The following CCDC91 variants were observed in gnomAD, a reference collection of about 807,000 sequenced individuals.
The protein encoded by CCDC91 is coiled-coil domain containing 91.
A neutral mutation model predicts 63.2 loss-of-function variants in CCDC91; 48 were observed. That is an observed-to-expected ratio of 0.76 (90% CI 0.60 to 0.97). The LOEUF is 0.97. CCDC91 is among the 50% of genes least tolerant of loss of function. The pLI, the probability that CCDC91 is intolerant of heterozygous loss-of-function variation, is 0.00. For synonymous variants in CCDC91, 167 were observed against 165.8 expected (o/e 1.01, Z -0.06); for missense variants, 500 against 494.6 (o/e 1.01, Z -0.10).
intron 11 of CCDC91, among the ~76,000 whole-genome samples, chr12:28,478,380 A>G (rs1478354930): frequency 6.6e-6 from 1 of 152,186 alleles, no homozygotes; most frequent in Admixed American, 6.6e-5. Context: ...CCAGTTTAAC[A>G]AGTGGTGCTG....
At chr12:28,381,247 C>T (rs1210201797) in intron 7 of CCDC91, among the ~76,000 whole-genome samples, 1 of 151,858 alleles carries the variant, frequency 6.6e-6, no homozygotes, top group African/African-American at 2.4e-5. Flanking sequence ...GATTGCAACC[C>T]AATATTAAAA....
chr12:28,524,004 A>G (rs1295659562), intron 12 of CCDC91, among the ~76,000 whole-genome samples: 1 of 152,166 alleles, frequency 6.6e-6, no homozygotes, highest in Non-Finnish European at 1.5e-5. Context: ...TGATTGTCAG[A>G]TTCACCAAAG....
intron 11 of CCDC91, among the ~76,000 whole-genome samples, chr12:28,482,550 C>A (rs548250852): frequency 6.6e-6 from 1 of 151,890 alleles, no homozygotes; most frequent in Admixed American, 6.6e-5. Context: ...CAATATTTTT[C>A]TAAATTAAAT....
At position 28,398,266 on chromosome 12, in the gene CCDC91, A is replaced by G. The variant is rs1946408522; in HGVS notation, c.762+6855A>G. ...TTTCATTTTTTCTGTTATTTCATATAGAATGAATTATATGGTATCTATTCT... is the reference window on the plus strand; with the variant it reads ...TTTCATTTTTTCTGTTATTTCATATGGAATGAATTATATGGTATCTATTCT... On this transcript the variant is annotated intron_variant, in intron 8 of 12. Coordinates refer to ENST00000536442, the MANE Select transcript of CCDC91 (RefSeq NM_018318.5). 2.6e-5 allele frequency among the ~76,000 whole-genome samples: 4 copies of G among 152,250 alleles called. No individual in the cohort carries two copies. The South Asian group carries it at 8.3e-4, about 32-fold the overall frequency.
chr12:28,533,749 A>G (rs573866188), intron 12 of CCDC91, among the ~76,000 whole-genome samples: 1 of 152,108 alleles, frequency 6.6e-6, no homozygotes, highest in East Asian at 1.9e-4. Context: ...GCCTTTTTAG[A>G]ATAAAATAAC....
chr12:28,281,692 A>T (rs1377031916), intron 3 of CCDC91, among the ~76,000 whole-genome samples: 1 of 152,142 alleles, frequency 6.6e-6, no homozygotes, highest in African/African-American at 2.4e-5. Context: ...ATTTTTCCTT[A>T]GTCTGCCATT....
chr12:28,381,158 A>C (rs1945275904), intron 7 of CCDC91, among the ~76,000 whole-genome samples: 1 of 152,134 alleles, frequency 6.6e-6, no homozygotes, highest in Non-Finnish European at 1.5e-5. Flanking sequence ...CTGAACTATA[A>C]AACAGACTGA....
At chr12:28,450,091 C>G in intron 8 of CCDC91, 70 bp from the exon 9 acceptor site, 3 of 797,646 alleles carry the variant, frequency 3.8e-6, no homozygotes, top group Non-Finnish European at 5.9e-6. Context: ...ATGAATTCTA[C>G]CAGCTACTCT....
intron 3 of CCDC91, among the ~76,000 whole-genome samples, chr12:28,273,109 G>C (rs188423438): frequency 6.6e-6 from 1 of 150,564 alleles, no homozygotes; most frequent in Admixed American, 6.7e-5. Flanking sequence ...TTGTCCTTCT[G>C]ATAGTTTGCT....
At chr12:28,258,284 CA>C (rs1349785710) in intron 2 of CCDC91, among the ~76,000 whole-genome samples, 1 of 149,624 alleles carries the variant, frequency 6.7e-6, no homozygotes, top group East Asian at 1.9e-4. Context: ...AAATGCCTTC[CA>C]TTTTGAGGAA....
chr12:28,213,933 A>C (rs1373975487), intron 1 of CCDC91, among the ~76,000 whole-genome samples: 19 of 152,108 alleles, frequency 1.2e-4, no homozygotes, highest in Non-Finnish European at 1.5e-5. Flanking sequence ...AAGGCTGTAT[A>C]TATGCTGGAT....
rs74376708 is a variant in CCDC91, at chr12:28,384,075, G to C, written c.655-7229G>C. Reference sequence around the variant, plus strand: ...GTTGGTAACCAAGAACAGCATTCAGGGCCAAATCTAGTCATTTGCCATCAT... The same window carrying C: ...GTTGGTAACCAAGAACAGCATTCAGCGCCAAATCTAGTCATTTGCCATCAT... On this transcript the variant is annotated intron_variant, in intron 7 of 12. Transcript: ENST00000536442. Among the ~76,000 whole-genome samples, 571 of 151,988 alleles carry C rather than the reference G, an allele frequency of 3.8e-3. 8 individuals carry two copies. Among genetic ancestry groups the C allele is most frequent in the African/African-American group, 0.013 (553 of 41,488 alleles).
intron 8 of CCDC91, among the ~76,000 whole-genome samples, chr12:28,446,095 A>G (rs1034624061): frequency 5.9e-5 from 9 of 152,214 alleles, no homozygotes; most frequent in Admixed American, 6.5e-5. Flanking sequence ...ACCAAAGACC[A>G]TTACTGAGCA....
chr12:28,442,238 C>T (rs535126453), intron 8 of CCDC91, among the ~76,000 whole-genome samples: 20 of 152,158 alleles, frequency 1.3e-4, no homozygotes, highest in Admixed American at 3.9e-4. Context: ...AGGTGATAGA[C>T]TGAGGAGTAT....
chr12:28,513,207 A>G (rs1939567122), intron 12 of CCDC91, among the ~76,000 whole-genome samples: 1 of 151,922 alleles, frequency 6.6e-6, no homozygotes, highest in African/African-American at 2.4e-5. Flanking sequence ...AGCTAATGTT[A>G]TTGAGTATTC....
chr12:28,462,452 G>A (rs1950352643), intron 11 of CCDC91, among the ~76,000 whole-genome samples: 1 of 151,898 alleles, frequency 6.6e-6, no homozygotes, highest in South Asian at 2.1e-4. Context: ...CCTAGTAGGA[G>A]CATGAAAAAA....
At chr12:28,439,906 C>T (rs1321382347) in intron 8 of CCDC91, among the ~76,000 whole-genome samples, 1 of 150,444 alleles carries the variant, frequency 6.6e-6, no homozygotes, top group African/African-American at 2.4e-5. Flanking sequence ...TCTCTGACAC[C>T]TTTGCATTAA....
chr12:28,366,511 T>TA, intron 7 of CCDC91, among the ~76,000 whole-genome samples: 1 of 152,312 alleles, frequency 6.6e-6, no homozygotes, highest in Non-Finnish European at 1.5e-5. Flanking sequence ...TTTTCACTTT[T>TA]ATCAGCTTAT....
intron 7 of CCDC91, among the ~76,000 whole-genome samples, chr12:28,370,822 G>GGA (rs79914940): frequency 3.3e-5 from 5 of 151,486 alleles, no homozygotes; most frequent in South Asian, 2.1e-4. Context: ...CAAGACAGCA[G>GGA]GAGAGAGAGA....
Sources: gnomAD v4.1 joint callset for allele counts (sites outside exome capture counted in the v4.1 genomes callset) on GRCh38, gnomAD v4.1.1 for gene constraint, MANE v1.5 for transcripts, NCBI Gene and HGNC (gene_info 2026-07-23, HGNC 2026-07-21) for gene names.